Variants in CDHR1 observed in about 807,000 individuals in gnomAD.
CDHR1 encodes the protein cadherin-related family member 1.
A neutral mutation model predicts 72.1 loss-of-function variants in CDHR1; 61 were observed. The ratio of observed to expected loss-of-function variants is 0.85; its 90% CI spans 0.69 to 1.05. The LOEUF is 1.05. Ranked by LOEUF, CDHR1 falls within the 50% of genes least tolerant of loss-of-function variation. CDHR1 has a pLI of 0.00. For missense variants in CDHR1, 1,186 were observed against 1,115.7 expected (o/e 1.06, Z -0.90); for synonymous variants, 470 against 448.1 (o/e 1.05, Z -0.62).
Position 84,216,238 on chromosome 10 carries a change from G to T in CDHR1, c.*1617G>T. 1.0e-6 allele frequency: 1 copy of T among 985,488 alleles called. No homozygotes were observed. 61.0% of individuals were successfully genotyped at this position (985,488 alleles called of 1,614,324 possible). ...TCATTTAAAGAGATTGTATGCATTT[G>T]TGGCTTTCCTGATTTCTGAGTCTGT... On this transcript the variant is annotated 3_prime_UTR_variant, in exon 17 of 17. Coordinates refer to ENST00000623527, the MANE Select transcript of CDHR1 (RefSeq NM_033100.4).
At position 84,211,691 on chromosome 10, in the gene CDHR1, C is replaced by A. The variant is rs1200529419; in HGVS notation, c.1529C>A (p.Ser510Tyr). 1.2e-6 allele frequency: 2 copies of A among 1,614,126 alleles called. No homozygotes were observed. The highest frequency in any genetic ancestry group is 1.7e-6 in the Non-Finnish European group (2 of 1,179,954). ...DTGPWGEVKYSTYGTGADLFL... is the reference protein window; with the variant it reads ...DTGPWGEVKYYTYGTGADLFL... ...GGACCCTGGGGCGAAGTGAAATATT[C>A]CACCTATGGGACTGGGGCAGACCTG... Residue 510 changes from serine (S) to tyrosine (Y), a missense_variant, in exon 14 of 17, where the codon TCC becomes TAC. Coordinates refer to ENST00000623527, the MANE Select transcript of CDHR1 (RefSeq NM_033100.4).
chr10:84,217,824 G>C lies in CDHR1; in HGVS notation c.*3203G>C. ...CAGGGCAGATGCCACAGCATCTGTGGCCTGTGTAGCCGGCAGCCTGCATTT... is the reference window on the plus strand; with the variant it reads ...CAGGGCAGATGCCACAGCATCTGTGCCCTGTGTAGCCGGCAGCCTGCATTT... On this transcript the variant is annotated 3_prime_UTR_variant, in exon 17 of 17. Transcript: ENST00000623527. 1.0e-6 allele frequency: 1 copy of C among 985,462 alleles called. No individual in the cohort carries two copies. Among genetic ancestry groups the C allele is most frequent in the Non-Finnish European group, 1.2e-6 (1 of 829,962 alleles). 61.0% of individuals were successfully genotyped at this position (985,462 alleles called of 1,614,324 possible).
At chr10:84,198,349 G>A (rs1014078220) in intron 4 of CDHR1, among the ~76,000 whole-genome samples, 29 of 152,168 alleles carry the variant, frequency 1.9e-4, no homozygotes, top group Admixed American at 1.6e-3. Context: ...CGCCACTGGC[G>A]GGATGAAAAT....
In CDHR1 at chr10:84,202,987, G is replaced by A; in HGVS notation, c.647G>A (p.Gly216Asp). 1 of 1,614,210 alleles carries A rather than the reference G, an allele frequency of 6.2e-7. No individual in the cohort carries two copies. Among genetic ancestry groups the A allele is most frequent in the Non-Finnish European group, 8.5e-7 (1 of 1,180,050 alleles). Residue 216 changes from glycine (G) to aspartate (D), a missense_variant, in exon 8 of 17, where the codon GGT becomes GAT. Transcript: ENST00000623527. The part of the protein sequence containing the change: ...HYITVVAKDG[G>D]GRLHGADVVF... The stretch of plus-strand genomic sequence containing the variant: ...CCTCCGATTCTTCTGCAGGATGGCG[G>A]TGGGAGGCTTCATGGGGCTGATGTG...
intron 7 of CDHR1, 130 bp downstream of exon 7, chr10:84,202,050 A>C (rs1247238214): frequency 2.7e-6 from 2 of 750,110 alleles, no homozygotes; most frequent in African/African-American, 3.4e-5. Context: ...AATAGGGAGC[A>C]GCTGCTCGGA....
Position 84,216,607 on chromosome 10 carries a change from A to G in CDHR1, c.*1986A>G, listed in dbSNP as rs1173184186. Reference sequence around the variant, plus strand: ...TCTTTCTGACACACAGTGAAGCTCAACTTGCCTCCTGGCTGCTTCAGCAGG... The same window carrying G: ...TCTTTCTGACACACAGTGAAGCTCAGCTTGCCTCCTGGCTGCTTCAGCAGG... On this transcript the variant is annotated 3_prime_UTR_variant, in exon 17 of 17. Transcript: ENST00000623527. 3 of 985,384 alleles carry G rather than the reference A, an allele frequency of 3.0e-6. No individual in the cohort carries two copies. The African/African-American group carries it at 5.2e-5, about 17-fold the overall frequency. The allele number at this position is 985,384 out of a possible 1,614,324, so 61.0% of individuals were successfully genotyped here.
At position 84,214,117 on chromosome 10, in the gene CDHR1, A is replaced by G; in HGVS notation, c.2076A>G (p.Ile692Met). ...LSRSPMAAFL[I>M]QTKDNPMKAV... is the part of the protein sequence containing the mutation. The stretch of plus-strand genomic sequence containing the variant: ...GGAGCCCCATGGCTGCCTTCCTGAT[A>G]CAGACCAAGGACAACCCCATGAAGG... Residue 692 changes from isoleucine (I) to methionine (M), a missense_variant, in exon 17 of 17, where the codon ATA (isoleucine) becomes ATG (methionine). Transcript: ENST00000623527. 2.5e-6 allele frequency: 4 copies of G among 1,614,166 alleles called. No individual in the cohort carries two copies. Among genetic ancestry groups the G allele is most frequent in the Non-Finnish European group, 3.4e-6 (4 of 1,180,040 alleles).
chr10:84,201,191 G>A (rs935433460), intron 6 of CDHR1, among the ~76,000 whole-genome samples: 3 of 152,192 alleles, frequency 2.0e-5, no homozygotes, highest in Non-Finnish European at 4.4e-5. Context: ...ACATGGGAGT[G>A]ATAAAAACAC....
chr10:84,196,708 G>A, intron 3 of CDHR1, 58 bp downstream of exon 3: 2 of 1,601,312 alleles, frequency 1.2e-6, no homozygotes, highest in Non-Finnish European at 1.7e-6. Flanking sequence ...ACCTCGGTGG[G>A]CTGAAGTTCC....
rs2132840873 is a variant in CDHR1, at chr10:84,215,840, A to C, written c.*1219A>C. 2.0e-6 allele frequency: 2 copies of C among 985,436 alleles called. No homozygotes were observed. The allele number at this position is 985,436 out of a possible 1,614,324, so 61.0% of individuals were successfully genotyped here. On this transcript the variant is annotated 3_prime_UTR_variant, in exon 17 of 17. Coordinates refer to ENST00000623527, the MANE Select transcript of CDHR1 (RefSeq NM_033100.4). ...GCATTGCCGTGACTCACACACCTCT[A>C]CTTCTGTTCTTCCCTCACTCCATCC...
chr10:84,218,031 T>C lies in CDHR1; in HGVS notation c.*3410T>C. 1 of 985,368 alleles carries C rather than the reference T, an allele frequency of 1.0e-6. No homozygotes were observed. The highest frequency in any genetic ancestry group is 1.7e-5 in the African/African-American group (1 of 57,350). 61.0% of individuals were successfully genotyped at this position (985,368 alleles called of 1,614,324 possible). A position where few individuals can be genotyped will look rare whatever the true frequency, so the allele number is the denominator to read the frequency against. Reference sequence around the variant, plus strand: ...ATTCTATTTTTAGGGACTGAAGGCGTTGAGGGAATCCAAGGCCAGTCCACC... The same window carrying C: ...ATTCTATTTTTAGGGACTGAAGGCGCTGAGGGAATCCAAGGCCAGTCCACC... On this transcript the variant is annotated 3_prime_UTR_variant, in exon 17 of 17. Coordinates refer to ENST00000623527, the MANE Select transcript of CDHR1 (RefSeq NM_033100.4).
chr10:84,194,935 G>A, intron 1 of CDHR1, 120 bp downstream of exon 1: 1 of 966,042 alleles, frequency 1.0e-6, no homozygotes, highest in Middle Eastern at 2.7e-4. Context: ...TCGGGCTGGT[G>A]GACGGGAGCG....
Position 84,214,600 on chromosome 10 carries a change from G to T in CDHR1, c.2559G>T (p.Val853=), listed in dbSNP as rs1231677476. 4 of 1,599,858 alleles carry T rather than the reference G, an allele frequency of 2.5e-6. No individual in the cohort carries two copies. The change falls in exon 17 of 17, where the codon GTG becomes GTT. Residue 853 remains valine, a synonymous_variant. Transcript: ENST00000623527. ...ELKQKFEKKS[V]HNKAYF is the part of the protein sequence containing the mutation. ...AGCAAAAGTTTGAGAAGAAGAGTGTGCACAACAAGGCTTACTTCTAGTGTA... is the reference window on the plus strand; with the variant it reads ...AGCAAAAGTTTGAGAAGAAGAGTGTTCACAACAAGGCTTACTTCTAGTGTA...
intron 10 of CDHR1, 152 bp downstream of exon 10, chr10:84,206,079 C>A: frequency 3.1e-6 from 2 of 649,732 alleles, no homozygotes; most frequent in Non-Finnish European, 5.6e-6. Flanking sequence ...CATGAATTCA[C>A]AAACAGGGAG....
At position 84,213,099 on chromosome 10, in the gene CDHR1, C is replaced by G; in HGVS notation, c.1791C>G (p.Asp597Glu). Reference protein sequence around the residue: ...LGTPVKIEAIDEDAEEPNNLV... With the variant: ...LGTPVKIEAIEEDAEEPNNLV... ...TCTCTCCCTGCGCACAGGCCATAGA[C>G]GAGGATGCAGAGGAACCCAACAACC... The change falls in exon 16 of 17, where the codon GAC becomes GAG. Residue 597 changes from aspartate to glutamate, a missense_variant. Physicochemically the swap from Asp to Glu is conservative, Grantham distance 45 (BLOSUM62 2). Transcript: ENST00000623527. 6.2e-7 allele frequency: 1 copy of G among 1,614,202 alleles called. No individual in the cohort carries two copies. Among genetic ancestry groups the G allele is most frequent in the Admixed American group, 1.7e-5 (1 of 60,022 alleles).
intron 12 of CDHR1, among the ~76,000 whole-genome samples, chr10:84,209,923 G>C (rs1385834305): frequency 2.0e-5 from 3 of 152,212 alleles, no homozygotes; most frequent in Non-Finnish European, 4.4e-5. Context: ...CTCTCCTTAA[G>C]TTAATAAAGA....
intron 1 of CDHR1, 21 bp from the exon 2 acceptor site, chr10:84,195,473 T>A (rs765302412): frequency 2.5e-6 from 4 of 1,608,736 alleles, no homozygotes. Context: ...GGTGTCCGTC[T>A]GTTCTGTGTT....
chr10:84,218,574 G>T lies in CDHR1; in HGVS notation c.*3953G>T. On this transcript the variant is annotated 3_prime_UTR_variant, in exon 17 of 17. Transcript: ENST00000623527. Reference sequence around the variant, plus strand: ...TAATTGCTAATCGCCTGGGCCTAGGGAGTCTTCATTTTAAAAGCAAGTAGC... The same window carrying T: ...TAATTGCTAATCGCCTGGGCCTAGGTAGTCTTCATTTTAAAAGCAAGTAGC... 1 of 985,408 alleles carries T rather than the reference G, an allele frequency of 1.0e-6. No individual in the cohort carries two copies. The highest frequency in any genetic ancestry group is 1.2e-6 in the Non-Finnish European group (1 of 829,946). 61.0% of individuals were successfully genotyped at this position (985,408 alleles called of 1,614,324 possible). A position where few individuals can be genotyped will look rare whatever the true frequency, so the allele number is the denominator to read the frequency against.
chr10:84,211,641 C>T lies in CDHR1; in HGVS notation c.1486-7C>T. 6.2e-7 allele frequency: 1 copy of T among 1,613,966 alleles called. No homozygotes were observed. The highest frequency in any genetic ancestry group is 8.5e-7 in the Non-Finnish European group (1 of 1,179,816). ...GCACGTGCCACCCAGGGCTCTTTCT[C>T]TTCCAGGCTGTGGATCCAGATACAG... On this transcript the variant is annotated splice_region_variant and splice_polypyrimidine_tract_variant and intron_variant, in intron 13 of 16. Coordinates refer to ENST00000623527, the MANE Select transcript of CDHR1 (RefSeq NM_033100.4).
Sources: gnomAD v4.1 joint callset for allele counts (sites outside exome capture counted in the v4.1 genomes callset) on GRCh38, gnomAD v4.1.1 for gene constraint, MANE v1.5 for transcripts, NCBI Gene and HGNC (gene_info 2026-07-23, HGNC 2026-07-21) for gene names.